RNF144B: variants seen among roughly 807,000 people sequenced by gnomAD.
The protein encoded by RNF144B is E3 ubiquitin-protein ligase RNF144B.
Under a neutral mutation model 40.2 loss-of-function variants are expected in RNF144B, and 25 were observed. That is an observed-to-expected ratio of 0.62 (90% CI 0.45 to 0.87). The LOEUF (loss-of-function observed/expected upper bound fraction) is 0.87. Ranked by LOEUF, RNF144B falls within the 40% of genes least tolerant of loss-of-function variation. The pLI is 0.00. For missense variants in RNF144B, 365 were observed against 373.7 expected (o/e 0.98, Z 0.19); for synonymous variants, 145 against 136.3 (o/e 1.06, Z -0.44).
rs555021360 is a variant in RNF144B at position 18,467,017 on chromosome 6, G to A, written c.*1950G>A. On this transcript the variant is annotated 3_prime_UTR_variant, in exon 8 of 8. Coordinates refer to ENST00000259939, the MANE Select transcript of RNF144B (RefSeq NM_182757.4). The stretch of plus-strand genomic sequence containing the variant: ...AACACTTCAGAAAAAAACACTATCA[G>A]TGTAGTTCATGTTAGTATAATTATA... 1 of 146,646 alleles carries A rather than the reference G, an allele frequency of 6.8e-6. No homozygotes were observed. The highest frequency in any genetic ancestry group is 2.2e-4 in the South Asian group (1 of 4,524). 9.1% of individuals were successfully genotyped at this position (146,646 alleles called of 1,614,324 possible).
chr6:18,432,416 C>T (rs956496440), intron 3 of RNF144B, among the ~76,000 whole-genome samples: 4 of 152,236 alleles, frequency 2.6e-5, no homozygotes, highest in African/African-American at 9.6e-5. Context: ...AAAAGTAAAA[C>T]TTTCCTCTAT....
At chr6:18,431,423 A>G (rs16880712) in intron 3 of RNF144B, among the ~76,000 whole-genome samples, 47,123 of 151,956 alleles carry the variant, frequency 0.31, 8,500 homozygotes, top group East Asian at 0.51. Flanking sequence ...AATACCACAC[A>G]CATGAATTGG....
rs1193163569 is a variant in RNF144B, at chr6:18,467,316, A to G, written c.*2249A>G. ...GTCCCAAATTTGGAGTAAAGATGGG[A>G]GAAAATAAATATGTGCTATTTCCTT... On this transcript the variant is annotated 3_prime_UTR_variant, in exon 8 of 8. Coordinates refer to ENST00000259939, the MANE Select transcript of RNF144B (RefSeq NM_182757.4). 2 of 152,280 alleles carry G rather than the reference A, an allele frequency of 1.3e-5. No homozygotes were observed. Among genetic ancestry groups the G allele is most frequent in the African/African-American group, 4.8e-5 (2 of 41,374 alleles). The allele number at this position is 152,280 out of a possible 1,614,324, so 9.4% of individuals were successfully genotyped here. A position where few individuals can be genotyped will look rare whatever the true frequency, so the allele number is the denominator to read the frequency against.
At position 18,416,580 on chromosome 6, in the gene RNF144B, A is replaced by G. The variant is rs1795152545; in HGVS notation, c.166-11001A>G. Among the ~76,000 whole-genome samples the G allele has an allele frequency of 6.6e-6, 1 of 152,228 alleles. No homozygotes were observed. Among genetic ancestry groups the G allele is most frequent in the Non-Finnish European group, 1.5e-5 (1 of 68,034 alleles). ...CAGATTTAATCTCCCATATTGAATG[A>G]CTGTCCTCAAACTTACAAGGTGGAT... On this transcript the variant is annotated intron_variant, in intron 2 of 7. Transcript: ENST00000259939. This position sits in a 1 kb window ranked among gnomAD's most constrained non-coding sequence, Gnocchi z 5.5.
chr6:18,438,023 A>T (rs1758860152), intron 3 of RNF144B, among the ~76,000 whole-genome samples: 1 of 152,170 alleles, frequency 6.6e-6, no homozygotes, highest in Non-Finnish European at 1.5e-5. Flanking sequence ...GGTGGTTAAA[A>T]AAAGATTCAT....
In RNF144B at chr6:18,446,851, G is replaced by A. The variant is rs1333702433; in HGVS notation, c.331+7107G>A. ...TGGTTCTATTTTAGGGTGTGTGTGTGTGTGTGTGTGTGTGTGTGTGTGTCT... is the reference window on the plus strand; with the variant it reads ...TGGTTCTATTTTAGGGTGTGTGTGTATGTGTGTGTGTGTGTGTGTGTGTCT... On this transcript the variant is annotated intron_variant, in intron 4 of 7. Transcript: ENST00000259939. This position sits in a 1 kb window ranked among gnomAD's most constrained non-coding sequence, Gnocchi z 4.7. Among the ~76,000 whole-genome samples the A allele has an allele frequency of 1.4e-5, 1 of 71,884 alleles. No individual in the cohort carries two copies. The highest frequency in any genetic ancestry group is 3.8e-5 in the Non-Finnish European group (1 of 26,558). The allele number at this position is 71,884 out of a possible 152,430, so 47.2% of individuals were successfully genotyped here.
intron 2 of RNF144B, among the ~76,000 whole-genome samples, chr6:18,413,987 T>A (rs1425235874): frequency 6.6e-6 from 1 of 152,164 alleles, no homozygotes; most frequent in East Asian, 1.9e-4. Context: ...CCACTCAATA[T>A]GAAGCCCCTT....
chr6:18,388,107 C>G (rs79538175), intron 1 of RNF144B, among the ~76,000 whole-genome samples: 214 of 152,234 alleles, frequency 1.4e-3, no homozygotes, highest in African/African-American at 4.8e-3. Context: ...TTCTAAAACA[C>G]CTTTTGTTTT....
chr6:18,428,972 G>A (rs571049953), intron 3 of RNF144B, among the ~76,000 whole-genome samples: 7 of 152,202 alleles, frequency 4.6e-5, no homozygotes, highest in South Asian at 2.1e-4. Flanking sequence ...CAGAAGGATT[G>A]CTTGAGTTCA....
rs1053260167 is a variant in RNF144B at position 18,425,778 on chromosome 6, T to C, written c.166-1803T>C. 9.9e-5 allele frequency among the ~76,000 whole-genome samples: 15 copies of C among 152,234 alleles called. No homozygotes were observed. The highest frequency in any genetic ancestry group is 1.5e-5 in the Non-Finnish European group (1 of 68,048). On this transcript the variant is annotated intron_variant, in intron 2 of 7. Coordinates refer to ENST00000259939, the MANE Select transcript of RNF144B (RefSeq NM_182757.4). The surrounding 1 kb of genome is among the most constrained non-coding windows in gnomAD (Gnocchi z 4.2). ...TTTAAATATCATTTGAAGACTCTTT[T>C]CATGATTCTGCACATTCTATCGCAT...
intron 3 of RNF144B, among the ~76,000 whole-genome samples, chr6:18,429,408 A>G (rs1056128715): frequency 3.3e-5 from 5 of 152,198 alleles, no homozygotes; most frequent in African/African-American, 1.2e-4. Flanking sequence ...AGCAGTCAGA[A>G]AGTTAGTATA....
chr6:18,426,287 T>G (rs1173199373), intron 2 of RNF144B, among the ~76,000 whole-genome samples: 1 of 152,226 alleles, frequency 6.6e-6, no homozygotes, highest in Non-Finnish European at 1.5e-5. Flanking sequence ...GTGGCTGGCT[T>G]AAGTATTTTT....
At chr6:18,396,382 A>C (rs536124565) in intron 1 of RNF144B, 2 of 962,580 alleles carry the variant, frequency 2.1e-6, no homozygotes, top group East Asian at 1.2e-4. Flanking sequence ...TCAAGAGTAC[A>C]TTAAAACTTT....
rs1759082845 is a variant in RNF144B, at chr6:18,446,376, G to T, written c.331+6632G>T. On this transcript the variant is annotated intron_variant, in intron 4 of 7. Coordinates refer to ENST00000259939, the MANE Select transcript of RNF144B (RefSeq NM_182757.4). The surrounding 1 kb of genome is among the most constrained non-coding windows in gnomAD (Gnocchi z 4.7). ...TTGTGAAGTGTAGGTGCCATGCTGT[G>T]CTCAGATATCTTTTCAGTGGAATCT... is the stretch of plus-strand genomic sequence containing the variant. 6.6e-6 allele frequency among the ~76,000 whole-genome samples: 1 copy of T among 152,144 alleles called. No individual in the cohort carries two copies. Among genetic ancestry groups the T allele is most frequent in the Non-Finnish European group, 1.5e-5 (1 of 68,030 alleles).
intron 2 of RNF144B, among the ~76,000 whole-genome samples, 162 bp downstream of exon 2, chr6:18,399,861 A>C (rs1184551431): frequency 6.6e-6 from 1 of 152,236 alleles, no homozygotes; most frequent in Non-Finnish European, 1.5e-5. Flanking sequence ...AGTATCTTAA[A>C]TGGTAAATCC....
At chr6:18,463,443 T>C (rs1582452476) in intron 7 of RNF144B, 63 bp downstream of exon 7, 1 of 939,622 alleles carries the variant, frequency 1.1e-6, no homozygotes, top group African/African-American at 1.6e-5. Context: ...AGAGCCCACC[T>C]CTTCGCCTTT....
At chr6:18,403,241 C>T (rs1351975548) in intron 2 of RNF144B, among the ~76,000 whole-genome samples, 1 of 152,200 alleles carries the variant, frequency 6.6e-6, no homozygotes, top group Non-Finnish European at 1.5e-5. Context: ...AGTCAGTTAT[C>T]AAAGTAATGG....
At position 18,448,694 on chromosome 6, in the gene RNF144B, A is replaced by G. The variant is rs1759140019; in HGVS notation, c.332-8461A>G. 8.7e-6 allele frequency among the ~76,000 whole-genome samples: 1 copy of G among 115,560 alleles called. No individual in the cohort carries two copies. The highest frequency in any genetic ancestry group is 2.8e-5 in the African/African-American group (1 of 35,838). The allele number at this position is 115,560 out of a possible 152,430, so 75.8% of individuals were successfully genotyped here. A position where few individuals can be genotyped will look rare whatever the true frequency, so the allele number is the denominator to read the frequency against. ...TTATTTTGAAAGCCAGCATGCACAC[A>G]CACACACACACACACACACACACCC... On this transcript the variant is annotated intron_variant, in intron 4 of 7. Coordinates refer to ENST00000259939, the MANE Select transcript of RNF144B (RefSeq NM_182757.4). This position sits in a 1 kb window ranked among gnomAD's most constrained non-coding sequence, Gnocchi z 4.0.
At position 18,437,801 on chromosome 6, in the gene RNF144B, A is replaced by G. The variant is rs139715454; in HGVS notation, c.271-1883A>G. On this transcript the variant is annotated intron_variant, in intron 3 of 7. Coordinates refer to ENST00000259939, the MANE Select transcript of RNF144B (RefSeq NM_182757.4). The stretch of plus-strand genomic sequence containing the variant: ...ACTGCATTAATTTCTGTCATTTTTC[A>G]CATTAACATTTCATCTGTATCTAAA... Among the ~76,000 whole-genome samples the G allele has an allele frequency of 9.4e-4, 143 of 152,368 alleles. 1 individual carries two copies. Among genetic ancestry groups the G allele is most frequent in the African/African-American group, 3.0e-3 (125 of 41,588 alleles).
Sources: gnomAD v4.1 joint callset for allele counts (sites outside exome capture counted in the v4.1 genomes callset) on GRCh38, gnomAD v4.1.1 for gene constraint, Gnocchi (gnomAD v3.1) non-coding constraint, MANE v1.5 for transcripts, NCBI Gene and HGNC (gene_info 2026-07-23, HGNC 2026-07-21) for gene names.